MATN2: variants seen among roughly 807,000 people sequenced by gnomAD.
MATN2 encodes the protein matrilin-2.
MATN2 carries 69 observed loss-of-function variants against 103.2 expected under a neutral mutation model. The observed-to-expected ratio is 0.67, with a 90% CI of 0.55 to 0.82. The LOEUF is 0.82. MATN2 is among the 40% of genes least tolerant of loss of function. The pLI is 0.00. For synonymous variants in MATN2, 429 were observed against 450.2 expected (o/e 0.95, Z 0.60); for missense variants, 1,023 against 1,211.5 (o/e 0.84, Z 2.31).
At chr8:98,003,291 A>G (rs1812847088) in intron 7 of MATN2, among the ~76,000 whole-genome samples, 2 of 150,592 alleles carry the variant, frequency 1.3e-5, no homozygotes, top group Admixed American at 1.3e-4. Context: ...TACCTATGGA[A>G]CTCCTCCTCC....
At chr8:98,004,027 G>A (rs896657392) in intron 8 of MATN2, 8 of 409,698 alleles carry the variant, frequency 2.0e-5, no homozygotes, top group East Asian at 1.7e-4. Context: ...GGTGGCTCAC[G>A]CCTGTAATCC....
chr8:97,892,372 T>C (rs551223377), intron 2 of MATN2, among the ~76,000 whole-genome samples: 163 of 133,282 alleles, frequency 1.2e-3, no homozygotes, highest in African/African-American at 4.5e-3. Context: ...GCCGTGATGG[T>C]GCCACTGCAC....
chr8:98,030,720 T>G lies in MATN2; in HGVS notation c.2509+106T>G, dbSNP rs1339752939. 3 of 1,074,970 alleles carry G rather than the reference T, an allele frequency of 2.8e-6. No individual in the cohort carries two copies. The African/African-American group carries it at 4.8e-5, about 17-fold the overall frequency. 66.6% of individuals were successfully genotyped at this position (1,074,970 alleles called of 1,614,324 possible). A position where few individuals can be genotyped will look rare whatever the true frequency, so the allele number is the denominator to read the frequency against. On this transcript the variant is annotated intron_variant, in intron 15 of 18. Coordinates refer to ENST00000254898, the MANE Select transcript of MATN2 (RefSeq NM_002380.5). ...CTCTGTCATCCAGGCTGGAGTGCAG[T>G]GGCACAATCTCAGCTCACTACAACC...
chr8:97,956,925 T>C (rs1302087672), intron 4 of MATN2, among the ~76,000 whole-genome samples: 3 of 152,228 alleles, frequency 2.0e-5, no homozygotes, highest in African/African-American at 7.2e-5. Context: ...GCCTTTTTCA[T>C]TGTTCATTCA....
chr8:98,012,030 G>T (rs527255739), intron 10 of MATN2, among the ~76,000 whole-genome samples: 11 of 152,176 alleles, frequency 7.2e-5, no homozygotes, highest in Non-Finnish European at 1.3e-4. Context: ...TTCTTTGAGA[G>T]GAAAAATGTT....
chr8:97,999,851 G>A (rs901177605), intron 7 of MATN2, among the ~76,000 whole-genome samples: 8 of 144,374 alleles, frequency 5.5e-5, no homozygotes, highest in Admixed American at 2.8e-4. Context: ...GGGAGGGCAC[G>A]TCACGGATTC....
chr8:97,978,762 CCTA>C, intron 5 of MATN2, 121 bp from the exon 6 acceptor site: 1 of 936,268 alleles, frequency 1.1e-6, no homozygotes, highest in Non-Finnish European at 1.7e-6. Flanking sequence ...AACTGTTTAT[CCTA>C]CTCTTTTGGG....
intron 2 of MATN2, among the ~76,000 whole-genome samples, chr8:97,917,278 A>G (rs534648611): frequency 2.0e-5 from 3 of 152,214 alleles, no homozygotes; most frequent in South Asian, 4.1e-4. Flanking sequence ...CTGCCAGCAC[A>G]CTCACCTGTC....
intron 5 of MATN2, among the ~76,000 whole-genome samples, chr8:97,974,215 T>A (rs1401807820): frequency 6.6e-6 from 1 of 151,830 alleles, no homozygotes; most frequent in Non-Finnish European, 1.5e-5. Context: ...CTCAGCTCAC[T>A]GCAACCTCCA....
At chr8:98,000,695 G>A (rs963726918) in intron 7 of MATN2, among the ~76,000 whole-genome samples, 9 of 152,204 alleles carry the variant, frequency 5.9e-5, no homozygotes, top group Admixed American at 5.9e-4. Flanking sequence ...CTGGCATTCA[G>A]CAGGTATTTA....
chr8:97,938,301 A>AAGCAAATGC (rs1368570292), intron 3 of MATN2, among the ~76,000 whole-genome samples: 7 of 152,240 alleles, frequency 4.6e-5, no homozygotes, highest in African/African-American at 1.7e-4. Flanking sequence ...ATGCAAATTA[A>AAGCAAATGC]AAGTGGGATA....
At chr8:98,031,203 T>G (rs185212517) in intron 15 of MATN2, among the ~76,000 whole-genome samples, 1 of 152,244 alleles carries the variant, frequency 6.6e-6, no homozygotes, top group African/African-American at 2.4e-5. Context: ...CTAGGCATGA[T>G]GGCACACACC....
At chr8:97,986,119 TC>T (rs1586124679) in intron 6 of MATN2, among the ~76,000 whole-genome samples, 1 of 152,194 alleles carries the variant, frequency 6.6e-6, no homozygotes, top group East Asian at 1.9e-4. Flanking sequence ...TATGCTTGAA[TC>T]TTTTTTTCTG....
At chr8:97,912,267 G>GATC (rs1447856976) in intron 2 of MATN2, among the ~76,000 whole-genome samples, 1 of 152,120 alleles carries the variant, frequency 6.6e-6, no homozygotes, top group Non-Finnish European at 1.5e-5. Flanking sequence ...TCATCTTAAT[G>GATC]ATCATCTACA....
At chr8:97,897,560 T>C (rs541645040) in intron 2 of MATN2, among the ~76,000 whole-genome samples, 2 of 152,360 alleles carry the variant, frequency 1.3e-5, no homozygotes, top group African/African-American at 2.4e-5. Context: ...ATTATACAAA[T>C]GAAGGTCGAT....
intron 10 of MATN2, among the ~76,000 whole-genome samples, chr8:98,011,093 A>G (rs1205348265): frequency 6.6e-6 from 1 of 152,202 alleles, no homozygotes; most frequent in Admixed American, 6.5e-5. Context: ...TGGTTTGCAG[A>G]CAGCCAGCAC....
intron 2 of MATN2, among the ~76,000 whole-genome samples, chr8:97,930,137 T>A (rs1037183480): frequency 6.6e-6 from 1 of 152,208 alleles, no homozygotes; most frequent in African/African-American, 2.4e-5. Flanking sequence ...TCAGCTCACG[T>A]CCCATCTCCT....
intron 2 of MATN2, among the ~76,000 whole-genome samples, chr8:97,897,484 C>T (rs1199804364): frequency 6.6e-6 from 1 of 152,170 alleles, no homozygotes; most frequent in Non-Finnish European, 1.5e-5. Flanking sequence ...CCTCTTACAG[C>T]ACAGCAGTTA....
intron 4 of MATN2, among the ~76,000 whole-genome samples, chr8:97,955,789 A>T (rs1811126312): frequency 6.6e-6 from 1 of 152,244 alleles, no homozygotes; most frequent in East Asian, 1.9e-4. Context: ...TCACATGAGC[A>T]TGAGTTCATT....
Sources: gnomAD v4.1 joint callset for allele counts (sites outside exome capture counted in the v4.1 genomes callset) on GRCh38, gnomAD v4.1.1 for gene constraint, MANE v1.5 for transcripts, NCBI Gene and HGNC (gene_info 2026-07-23, HGNC 2026-07-21) for gene names.